The following NLRP3 variants were observed in gnomAD, a reference collection of about 807,000 sequenced individuals.
NLRP3 encodes NLR family pyrin domain containing 3.
A neutral mutation model predicts 91.3 loss-of-function variants in NLRP3; 48 were observed. The observed-to-expected ratio is 0.53, with a 90% CI of 0.42 to 0.67. The LOEUF is 0.67. Among genes scored for constraint, NLRP3 ranks in the 30% least tolerant of loss-of-function variants. The pLI is 0.00. For synonymous variants in NLRP3, 561 were observed against 507.9 expected, an observed-to-expected ratio of 1.10 and a Z score of -1.41; for missense variants, 982 against 1,276.9, an observed-to-expected ratio of 0.77 and a Z score of 3.52.
At chr1:247,428,379 C>A (rs1021217336) in intron 4 of NLRP3, among the ~76,000 whole-genome samples, 3 of 152,252 alleles carry the variant, frequency 2.0e-5, no homozygotes, top group Non-Finnish European at 2.9e-5. Context: ...AACCAGAAGC[C>A]TGAGCATCTA....
chr1:247,423,374 A>G (rs1410561215), intron 3 of NLRP3, 25 bp downstream of exon 3: 4 of 1,613,512 alleles, frequency 2.5e-6, no homozygotes, highest in South Asian at 2.2e-5. Flanking sequence ...TGGTGCTTCT[A>G]GTTGAGTTTT....
chr1:247,438,057 AG>A (rs2103186419), intron 7 of NLRP3, among the ~76,000 whole-genome samples: 1 of 152,338 alleles, frequency 6.6e-6, no homozygotes, highest in Non-Finnish European at 1.5e-5. Flanking sequence ...CTAACCTGGT[AG>A]AGCTGCTGTA....
chr1:247,443,437 G>A (rs4925661), intron 7 of NLRP3, among the ~76,000 whole-genome samples: 66,946 of 151,808 alleles, frequency 0.44, 14,881 homozygotes, highest in Middle Eastern at 0.56. Flanking sequence ...TAAGGGCCCC[G>A]CCGTGTTCCT....
chr1:247,446,091 G>A (rs774111751), intron 9 of NLRP3, among the ~76,000 whole-genome samples: 3 of 151,960 alleles, frequency 2.0e-5, no homozygotes, highest in Non-Finnish European at 4.4e-5. Context: ...CAAGTTGCTC[G>A]GGCCAAAACA....
chr1:247,432,896 A>G (rs1329474297), intron 5 of NLRP3, among the ~76,000 whole-genome samples: 2 of 152,014 alleles, frequency 1.3e-5, no homozygotes, highest in Non-Finnish European at 2.9e-5. Flanking sequence ...GAAACTAATC[A>G]AGAATCAGAG....
intron 9 of NLRP3, 39 bp downstream of exon 9, chr1:247,444,860 G>A (rs201347686): frequency 4.4e-6 from 7 of 1,604,224 alleles, no homozygotes; most frequent in Non-Finnish European, 6.0e-6. Context: ...GTGGGACTCT[G>A]AGTTCTCAGG....
chr1:247,443,893 C>A, intron 7 of NLRP3, 79 bp from the exon 8 acceptor site: 1 of 1,397,100 alleles, frequency 7.2e-7, no homozygotes, highest in Non-Finnish European at 1.0e-6. Context: ...TGAGAGAGGA[C>A]GAGGCACTGA....
chr1:247,441,406 A>G (rs1664233968), intron 7 of NLRP3, among the ~76,000 whole-genome samples: 1 of 151,850 alleles, frequency 6.6e-6, no homozygotes, highest in African/African-American at 2.4e-5. Context: ...ATGCCTGGGT[A>G]ATGTTTAAAA....
chr1:247,416,252 T>C (rs1156680712), intron 1 of NLRP3, 59 bp downstream of exon 1: 1 of 152,228 alleles, frequency 6.6e-6, no homozygotes, highest in Non-Finnish European at 1.5e-5. Context: ...GTGGGGGAGA[T>C]TGTGTTCAGA....
intron 9 of NLRP3, among the ~76,000 whole-genome samples, chr1:247,446,729 G>A (rs1404267217): frequency 6.6e-6 from 1 of 151,962 alleles, no homozygotes; most frequent in African/African-American, 2.4e-5. Flanking sequence ...CATCTTATGT[G>A]CTATGTCATT....
chr1:247,423,198 C>A (rs550829188), intron 2 of NLRP3, 32 bp from the exon 3 acceptor site: 3 of 1,613,532 alleles, frequency 1.9e-6, no homozygotes, highest in African/African-American at 2.7e-5. Flanking sequence ...GATAATAGTT[C>A]TGGGTTTTGA....
At position 247,444,049 on chromosome 1, in the gene NLRP3, A is replaced by C. The variant is rs1664425433; in HGVS notation, c.2741A>C (p.His914Pro). ...CTCAGCACTAATCAGAATCTCACGC[A>C]CCTTTACCTGCGAGGCAACACTCTC... ...SVLSTNQNLT[H>P]LYLRGNTLGD... Residue 914 changes from histidine (H) to proline (P), a missense_variant, in exon 8 of 10, where the codon CAC (histidine) becomes CCC (proline). Transcript: ENST00000336119. 1 of 1,613,834 alleles carries C rather than the reference A, an allele frequency of 6.2e-7. No individual in the cohort carries two copies. The highest frequency in any genetic ancestry group is 1.7e-5 in the Admixed American group (1 of 59,976).
chr1:247,417,668 G>A (rs1288786854), intron 1 of NLRP3, among the ~76,000 whole-genome samples: 2 of 152,082 alleles, frequency 1.3e-5, no homozygotes, highest in Non-Finnish European at 2.9e-5. Context: ...TTTTAGTAGA[G>A]ACGGGATTTC....
intron 6 of NLRP3, 53 bp downstream of exon 6, chr1:247,434,326 A>C: frequency 6.2e-7 from 1 of 1,603,920 alleles, no homozygotes; most frequent in South Asian, 1.1e-5. Flanking sequence ...CGTGCTGCGC[A>C]CTCTGGCTTC....
rs182470805 is a variant in NLRP3, at chr1:247,439,865, G to A, written c.2663+3725G>A. Among the ~76,000 whole-genome samples the A allele has an allele frequency of 2.6e-5, 4 of 152,210 alleles. No homozygotes were observed. In the East Asian group the frequency reaches 7.7e-4, roughly 29 times the overall value. ...TCAAATCATGCATTTTGGGATAACT[G>A]TTCTTTTCCACTATTACAAACAACT... On this transcript the variant is annotated intron_variant, in intron 7 of 9. Coordinates refer to ENST00000336119, the MANE Select transcript of NLRP3 (RefSeq NM_001243133.2).
At chr1:247,433,487 G>A (rs780907745) in intron 5 of NLRP3, among the ~76,000 whole-genome samples, 1 of 152,194 alleles carries the variant, frequency 6.6e-6, no homozygotes, top group African/African-American at 2.4e-5. Context: ...CAATGCACCC[G>A]GCACTGTTTA....
chr1:247,437,790 G>T (rs564489635), intron 7 of NLRP3, among the ~76,000 whole-genome samples: 1 of 152,248 alleles, frequency 6.6e-6, no homozygotes, highest in Non-Finnish European at 1.5e-5. Flanking sequence ...ACGGCGAGGG[G>T]TGCTTCTCTG....
chr1:247,431,809 G>A (rs530051153), intron 5 of NLRP3, among the ~76,000 whole-genome samples: 222 of 152,238 alleles, frequency 1.5e-3, no homozygotes, highest in Non-Finnish European at 2.0e-3. Context: ...TTTACTTTAT[G>A]TATTTATTTT....
At chr1:247,437,913 C>T (rs1663911865) in intron 7 of NLRP3, among the ~76,000 whole-genome samples, 1 of 152,206 alleles carries the variant, frequency 6.6e-6, no homozygotes, top group African/African-American at 2.4e-5. Context: ...GCAGATGGAA[C>T]CGAAGAGGCC....
Sources: gnomAD v4.1 joint callset for allele counts (sites outside exome capture counted in the v4.1 genomes callset) on GRCh38, gnomAD v4.1.1 for gene constraint, MANE v1.5 for transcripts, NCBI Gene and HGNC (gene_info 2026-07-23, HGNC 2026-07-21) for gene names.